MAP4K3: variants seen among roughly 807,000 people sequenced by gnomAD.
MAP4K3 encodes the protein MAPK/ERK kinase kinase kinase 3.
MAP4K3 carries 94 observed loss-of-function variants against 143.5 expected under a neutral mutation model. The observed-to-expected ratio is 0.65, with a 90% confidence interval of 0.55 to 0.78. MAP4K3 has a LOEUF of 0.78. Among genes scored for constraint, MAP4K3 ranks in the 30% least tolerant of loss-of-function variants. The pLI is 0.00. For synonymous variants in MAP4K3, 416 were observed against 347.2 expected (o/e 1.20, Z -2.20); for missense variants, 1,077 against 1,068.1 (o/e 1.01, Z -0.12).
intron 12 of MAP4K3, among the ~76,000 whole-genome samples, chr2:39,319,174 C>G (rs1464377728): frequency 6.6e-6 from 1 of 151,930 alleles, no homozygotes; most frequent in Non-Finnish European, 1.5e-5. Context: ...TGAATGCTGT[C>G]AAATTTACTT....
At chr2:39,371,735 T>C (rs763092351) in intron 2 of MAP4K3, among the ~76,000 whole-genome samples, 13 of 151,864 alleles carry the variant, frequency 8.6e-5, no homozygotes, top group Admixed American at 3.3e-4. Context: ...GGAGTAGCTA[T>C]ATCAGAAAAA....
At chr2:39,379,811 A>T (rs553811232) in intron 1 of MAP4K3, 104 of 168,932 alleles carry the variant, frequency 6.2e-4, no homozygotes, top group African/African-American at 2.4e-3. Flanking sequence ...ATGTGAACTC[A>T]GAAAGCTAGG....
intron 1 of MAP4K3, among the ~76,000 whole-genome samples, chr2:39,416,444 C>A (rs955947245): frequency 6.6e-5 from 10 of 152,150 alleles, no homozygotes; most frequent in African/African-American, 2.4e-4. Context: ...GTGAGAACCA[C>A]ATGCTTCTAC....
chr2:39,356,454 T>C, intron 2 of MAP4K3, 115 bp from the exon 3 acceptor site: 1 of 627,378 alleles, frequency 1.6e-6, no homozygotes, highest in Admixed American at 3.3e-5. Context: ...AATTAATGAG[T>C]TATAAATAAA....
intron 15 of MAP4K3, among the ~76,000 whole-genome samples, chr2:39,307,249 A>G (rs1175709923): frequency 1.3e-5 from 2 of 152,298 alleles, no homozygotes; most frequent in Admixed American, 6.5e-5. Flanking sequence ...AGAAAGAACT[A>G]TTTACTTAAT....
chr2:39,251,613 T>C (rs1051228484), intron 33 of MAP4K3, among the ~76,000 whole-genome samples: 7 of 152,240 alleles, frequency 4.6e-5, no homozygotes, highest in African/African-American at 1.7e-4. Context: ...GTATGTTTAA[T>C]GGAAACTAGT....
chr2:39,420,580 C>CTT lies in MAP4K3; in HGVS notation c.96+16310_96+16311dup, dbSNP rs1268859534. Among the ~76,000 whole-genome samples the CTT allele has an allele frequency of 4.3e-5, 6 of 139,594 alleles. No homozygotes were observed. The South Asian group carries it at 6.9e-4, about 16-fold the overall frequency. 91.6% of individuals were successfully genotyped at this position (139,594 alleles called of 152,430 possible). A position where few individuals can be genotyped will look rare whatever the true frequency, so the allele number is the denominator to read the frequency against. ...TACAGGCATGTGCCACCATGCCTGGCTTTTTTTTTTTTTTAAGAGATGAGG... is the reference window on the plus strand; with the variant it reads ...TACAGGCATGTGCCACCATGCCTGGCTTTTTTTTTTTTTTTTAAGAGATGAGG... On this transcript the variant is annotated intron_variant, in intron 1 of 33. Transcript: ENST00000263881.
In MAP4K3 at chr2:39,309,462, A is replaced by T. The variant is rs1407674885; in HGVS notation, c.1055T>A (p.Leu352His). Residue 352 changes from leucine to histidine, a missense_variant and splice_region_variant, in exon 14 of 34, where the codon CTT becomes CAT. Physicochemically the swap from Leu to His is moderately conservative, Grantham distance 99. This residue lies in a region of MAP4K3 where 864 missense variants were observed against 801.2 expected (regional missense o/e 1.08). Transcript: ENST00000263881. Reference sequence around the variant, plus strand: ...ACATTCTAAGGCTATACTACTTACAAGTTCATGATGTGGTTCTGTCTCCTT... The same window carrying T: ...ACATTCTAAGGCTATACTACTTACATGTTCATGATGTGGTTCTGTCTCCTT... ...LRKETEPHHE[L>H]PDSDGFLDSS... 6.3e-7 allele frequency: 1 copy of T among 1,586,446 alleles called. No homozygotes were observed. The highest frequency in any genetic ancestry group is 8.6e-7 in the Non-Finnish European group (1 of 1,167,726).
chr2:39,269,285 A>G (rs1037328805), intron 26 of MAP4K3, among the ~76,000 whole-genome samples: 1 of 151,988 alleles, frequency 6.6e-6, no homozygotes, highest in Admixed American at 6.5e-5. Context: ...ATAATATCGT[A>G]GTACTGTAAT....
chr2:39,397,307 G>C (rs1393834118), intron 1 of MAP4K3, among the ~76,000 whole-genome samples: 1 of 151,956 alleles, frequency 6.6e-6, no homozygotes, highest in East Asian at 1.9e-4. Context: ...CCTATGAAAA[G>C]AATATACAAA....
intron 4 of MAP4K3, among the ~76,000 whole-genome samples, chr2:39,340,578 C>T (rs140920156): frequency 2.6e-5 from 4 of 152,086 alleles, no homozygotes; most frequent in African/African-American, 7.2e-5. Context: ...ATTTCTGTAA[C>T]GAAACTGGTC....
intron 15 of MAP4K3, among the ~76,000 whole-genome samples, chr2:39,305,053 G>C (rs193261800): frequency 1.9e-3 from 292 of 152,252 alleles, no homozygotes; most frequent in African/African-American, 6.6e-3. Flanking sequence ...AGGGGCTGGA[G>C]GGAAAAAGGA....
chr2:39,358,206 C>T (rs1020018692), intron 2 of MAP4K3, among the ~76,000 whole-genome samples: 3 of 152,192 alleles, frequency 2.0e-5, no homozygotes, highest in Non-Finnish European at 4.4e-5. Flanking sequence ...ATAACTTCTA[C>T]AGTGATCTTT....
intron 15 of MAP4K3, among the ~76,000 whole-genome samples, chr2:39,307,507 T>G (rs573518685): frequency 4.4e-4 from 67 of 151,944 alleles, no homozygotes; most frequent in African/African-American, 1.4e-3. Flanking sequence ...GAATAATATA[T>G]GTACCATGAT....
chr2:39,418,725 T>C (rs1405215601), intron 1 of MAP4K3, among the ~76,000 whole-genome samples: 4 of 149,700 alleles, frequency 2.7e-5, no homozygotes, highest in Non-Finnish European at 4.4e-5. Context: ...AATCTAACCA[T>C]GAGAAAAAAA....
intron 1 of MAP4K3, among the ~76,000 whole-genome samples, chr2:39,425,610 T>C (rs1185754487): frequency 1.3e-5 from 2 of 152,128 alleles, no homozygotes; most frequent in African/African-American, 4.8e-5. Context: ...AAAGAGAGCA[T>C]CACTAGAAAC....
chr2:39,355,385 G>T (rs1375878596), intron 3 of MAP4K3, among the ~76,000 whole-genome samples: 1 of 133,446 alleles, frequency 7.5e-6, no homozygotes, highest in African/African-American at 3.3e-5. Flanking sequence ...AAAAAAAAAG[G>T]CTGGGCATGG....
At chr2:39,400,319 T>A (rs756470223) in intron 1 of MAP4K3, among the ~76,000 whole-genome samples, 4 of 152,232 alleles carry the variant, frequency 2.6e-5, no homozygotes, top group Non-Finnish European at 4.4e-5. Flanking sequence ...CATCCTTGCA[T>A]CGAAGCTTTC....
chr2:39,257,692 G>C (rs1042436051), intron 31 of MAP4K3, among the ~76,000 whole-genome samples: 3 of 150,990 alleles, frequency 2.0e-5, no homozygotes, highest in Admixed American at 6.6e-5. Context: ...CCAGCTACTC[G>C]GGAGACTGAG....
Sources: gnomAD v4.1 joint callset for allele counts (sites outside exome capture counted in the v4.1 genomes callset) on GRCh38, gnomAD v4.1.1 for gene constraint, gnomAD v4.1.1 regional missense constraint, MANE v1.5 for transcripts, NCBI Gene and HGNC (gene_info 2026-07-23, HGNC 2026-07-21) for gene names.